The following CCSER1 variants were observed in gnomAD, a reference collection of about 807,000 sequenced individuals.
CCSER1 encodes the protein coiled-coil serine rich protein 1, also known as serine-rich coiled-coil domain-containing protein 1.
A neutral mutation model predicts 82.0 loss-of-function variants in CCSER1; 41 were observed. That is an observed-to-expected ratio of 0.50 (90% CI 0.39 to 0.65). The LOEUF (loss-of-function observed/expected upper bound fraction) is 0.65. Ranked by LOEUF, CCSER1 falls within the 30% of genes least tolerant of loss-of-function variation. The pLI is 0.00. For missense variants in CCSER1, 1,119 were observed against 1,064.2 expected (o/e 1.05, Z -0.72); for synonymous variants, 414 against 383.9 (o/e 1.08, Z -0.92).
intron 9 of CCSER1, among the ~76,000 whole-genome samples, chr4:91,077,035 G>A (rs1031746388): frequency 6.6e-6 from 1 of 151,828 alleles, no homozygotes; most frequent in African/African-American, 2.4e-5. Flanking sequence ...CATACATAAT[G>A]TGAAATTCCA....
intron 10 of CCSER1, among the ~76,000 whole-genome samples, chr4:91,123,082 A>G (rs1727226705): frequency 6.6e-6 from 1 of 151,690 alleles, no homozygotes. Context: ...TGCTGCAATC[A>G]TGCTTGTTCA....
At chr4:90,272,188 C>T (rs1578875660) in intron 1 of CCSER1, among the ~76,000 whole-genome samples, 1 of 151,904 alleles carries the variant, frequency 6.6e-6, no homozygotes, top group Non-Finnish European at 1.5e-5. Flanking sequence ...CAAACCGTAT[C>T]AATATAAGTA....
intron 10 of CCSER1, among the ~76,000 whole-genome samples, chr4:91,214,198 C>T (rs1488835452): frequency 6.6e-6 from 1 of 152,100 alleles, no homozygotes; most frequent in African/African-American, 2.4e-5. Flanking sequence ...TCAAATTATT[C>T]TATCTGCCTA....
chr4:90,919,464 C>A (rs1728061031), intron 8 of CCSER1, among the ~76,000 whole-genome samples: 1 of 151,790 alleles, frequency 6.6e-6, no homozygotes, highest in Non-Finnish European at 1.5e-5. Context: ...GGAGAGGATT[C>A]ATATAGATAT....
intron 10 of CCSER1, among the ~76,000 whole-genome samples, chr4:91,203,597 A>G (rs892937214): frequency 4.6e-5 from 7 of 151,852 alleles, no homozygotes; most frequent in Non-Finnish European, 1.0e-4. Context: ...ATAAACACAC[A>G]TGTATACACA....
intron 10 of CCSER1, among the ~76,000 whole-genome samples, chr4:91,254,352 C>A (rs769062516): frequency 9.9e-5 from 15 of 152,060 alleles, no homozygotes; most frequent in Non-Finnish European, 2.1e-4. Flanking sequence ...TATATGTATA[C>A]GATGGAATAT....
chr4:90,608,530 T>C (rs989962088), intron 5 of CCSER1, among the ~76,000 whole-genome samples: 52 of 152,292 alleles, frequency 3.4e-4, no homozygotes, highest in Non-Finnish European at 4.4e-5. Context: ...GAGGAGAATA[T>C]ACAAGGCATA....
At chr4:90,528,173 A>T (rs530277615) in intron 5 of CCSER1, among the ~76,000 whole-genome samples, 5 of 152,340 alleles carry the variant, frequency 3.3e-5, no homozygotes, top group Admixed American at 2.0e-4. Flanking sequence ...ATGAAAATAT[A>T]CATTTTGAGA....
chr4:91,317,301 C>T (rs1206173748), intron 10 of CCSER1, among the ~76,000 whole-genome samples: 1 of 151,980 alleles, frequency 6.6e-6, no homozygotes, highest in African/African-American at 2.4e-5. Flanking sequence ...TATTCCAACA[C>T]ATCCCTATAC....
In CCSER1 at chr4:90,312,873, T is replaced by G. The variant is rs187564848; in HGVS notation, c.1335T>G (p.Ser445Arg). The stretch of plus-strand genomic sequence containing the variant: ...TTTTCCTTTCCATAGTTCTTGCCAG[T>G]AGTCTCAGTCCATTTCGTGAAGGAA... ...YEANPAKVLA[S>R]SLSPFREGRF... is the part of the protein sequence containing the mutation. Residue 445 changes from serine (S) to arginine (R), a missense_variant, in exon 3 of 11, where the codon AGT becomes AGG. Coordinates refer to ENST00000509176, the MANE Select transcript of CCSER1 (RefSeq NM_001145065.2). The G allele has an allele frequency of 4.5e-6, 7 of 1,565,092 alleles. No homozygotes were observed. Among genetic ancestry groups the G allele is most frequent in the Non-Finnish European group, 4.3e-6 (5 of 1,152,662 alleles).
intron 8 of CCSER1, among the ~76,000 whole-genome samples, chr4:90,834,360 T>C (rs1232565578): frequency 1.3e-5 from 2 of 152,200 alleles, no homozygotes; most frequent in African/African-American, 4.8e-5. Context: ...CCTCAGTAAG[T>C]TGAATAAAGA....
At chr4:91,160,049 C>G (rs1731220733) in intron 10 of CCSER1, among the ~76,000 whole-genome samples, 2 of 151,582 alleles carry the variant, frequency 1.3e-5, no homozygotes. Flanking sequence ...CCTCCCCCTG[C>G]CCCCACCCCA....
intron 5 of CCSER1, among the ~76,000 whole-genome samples, chr4:90,552,756 C>T (rs1053583219): frequency 2.0e-5 from 3 of 152,098 alleles, no homozygotes; most frequent in Non-Finnish European, 2.9e-5. Context: ...TGCGCACAGC[C>T]CACAATTAAG....
At chr4:91,000,211 A>G (rs1007517020) in intron 9 of CCSER1, among the ~76,000 whole-genome samples, 11 of 137,636 alleles carry the variant, frequency 8.0e-5, no homozygotes, top group African/African-American at 2.9e-4. Context: ...ATAGTATAGT[A>G]TAGTATAGGT....
chr4:91,594,404 T>C (rs1044522053), intron 10 of CCSER1, among the ~76,000 whole-genome samples: 13 of 119,588 alleles, frequency 1.1e-4, no homozygotes, highest in East Asian at 6.3e-4. Context: ...TATATACACA[T>C]ATATACACAT....
intron 5 of CCSER1, among the ~76,000 whole-genome samples, chr4:90,626,636 C>A (rs773611224): frequency 2.0e-5 from 3 of 152,120 alleles, no homozygotes; most frequent in Non-Finnish European, 4.4e-5. Context: ...TGGTTTAGAG[C>A]TAAGTATGTA....
intron 1 of CCSER1, among the ~76,000 whole-genome samples, chr4:90,274,803 G>T (rs1727237242): frequency 6.6e-6 from 1 of 151,928 alleles, no homozygotes; most frequent in South Asian, 2.1e-4. Context: ...AATAAATTAG[G>T]TGAATTCAAA....
chr4:90,748,878 G>A (rs1245815313), intron 7 of CCSER1, among the ~76,000 whole-genome samples: 1 of 149,788 alleles, frequency 6.7e-6, no homozygotes, highest in African/African-American at 2.5e-5. Context: ...ACTTTTTTAT[G>A]GGGTTGTTTG....
chr4:91,326,745 G>A (rs1030331452), intron 10 of CCSER1, among the ~76,000 whole-genome samples: 1 of 152,078 alleles, frequency 6.6e-6, no homozygotes, highest in African/African-American at 2.4e-5. Flanking sequence ...AAACAAGCTA[G>A]TTACTTCCAA....
Sources: allele counts gnomAD v4.1 joint callset (sites outside exome capture counted in the v4.1 genomes callset), GRCh38; gene constraint gnomAD v4.1.1; transcripts MANE v1.5; gene names NCBI Gene and HGNC (gene_info 2026-07-23, HGNC 2026-07-21).